The following VSTM2B variants were observed in gnomAD, a reference collection of about 807,000 sequenced individuals.
VSTM2B encodes the protein V-set and transmembrane domain-containing protein 2B.
Under a neutral mutation model 24.0 loss-of-function variants are expected in VSTM2B, and 24 were observed. That is an observed-to-expected ratio of 1.00 (90% CI 0.72 to 1.40). The LOEUF (loss-of-function observed/expected upper bound fraction) is 1.40. VSTM2B is among the 40% of genes most tolerant of loss of function. VSTM2B has a pLI of 0.00. For synonymous variants in VSTM2B, 226 were observed against 194.4 expected, an observed-to-expected ratio of 1.16 and a Z score of -1.35; for missense variants, 399 against 416.4, an observed-to-expected ratio of 0.96 and a Z score of 0.36.
At chr19:29,562,485 C>T (rs1440378183) in intron 4 of VSTM2B, among the ~76,000 whole-genome samples, 1 of 152,100 alleles carries the variant, frequency 6.6e-6, no homozygotes, top group Admixed American at 6.5e-5. Flanking sequence ...GTAGGGTCTC[C>T]CACACCCCTC....
chr19:29,558,696 A>G (rs902477428), intron 4 of VSTM2B, among the ~76,000 whole-genome samples: 1 of 152,160 alleles, frequency 6.6e-6, no homozygotes, highest in Non-Finnish European at 1.5e-5. Flanking sequence ...AATGACACAC[A>G]CTGGGACCTG....
chr19:29,543,994 A>T (rs1437349223), intron 4 of VSTM2B, among the ~76,000 whole-genome samples: 1 of 152,116 alleles, frequency 6.6e-6, no homozygotes, highest in East Asian at 1.9e-4. Flanking sequence ...AACCAGAGCC[A>T]TTCTGCTTCT....
intron 4 of VSTM2B, among the ~76,000 whole-genome samples, chr19:29,547,606 T>A (rs1241869476): frequency 1.3e-5 from 2 of 152,100 alleles, no homozygotes; most frequent in African/African-American, 4.8e-5. Context: ...AGGCCAGCCC[T>A]CTGACGCATG....
At chr19:29,555,568 A>G (rs770903112) in intron 4 of VSTM2B, among the ~76,000 whole-genome samples, 11 of 152,328 alleles carry the variant, frequency 7.2e-5, no homozygotes, top group East Asian at 1.9e-4. Context: ...TCAGAGTGGA[A>G]CTAAAGGAAA....
intron 4 of VSTM2B, among the ~76,000 whole-genome samples, chr19:29,544,729 C>T (rs575131938): frequency 2.0e-5 from 3 of 152,164 alleles, no homozygotes; most frequent in African/African-American, 7.2e-5. Context: ...CCTGGGCTCC[C>T]CAGAGGGAAC....
At chr19:29,540,688 A>G (rs919144940) in intron 4 of VSTM2B, among the ~76,000 whole-genome samples, 3 of 152,186 alleles carry the variant, frequency 2.0e-5, no homozygotes, top group Admixed American at 2.0e-4. Context: ...ATGTCCATGG[A>G]GCATTTTTTT....
In VSTM2B at chr19:29,527,283, G is replaced by A. The variant is rs1293879436; in HGVS notation, c.155G>A (p.Arg52Gln). 7 of 1,550,478 alleles carry A rather than the reference G, an allele frequency of 4.5e-6. No individual in the cohort carries two copies. Among genetic ancestry groups the A allele is most frequent in the South Asian group, 2.4e-5 (2 of 83,990 alleles). The change falls in exon 2 of 5, where the codon CGG becomes CAG. Residue 52 changes from arginine (R) to glutamine (Q), a missense_variant. By Grantham distance (43) the Arg-to-Gln change is conservative. Transcript: ENST00000335523. ...GDDIEMPCAF[R>Q]ASGATSYSLE... is the part of the protein sequence containing the mutation. ...GACATCGAAATGCCCTGCGCGTTCC[G>A]GGCCAGCGGAGCCACCTCGTATTCG...
intron 4 of VSTM2B, among the ~76,000 whole-genome samples, chr19:29,535,789 G>A (rs1469601926): frequency 6.6e-6 from 1 of 152,128 alleles, no homozygotes; most frequent in Non-Finnish European, 1.5e-5. Context: ...AGCAGTACCA[G>A]CAGGCCCAGG....
intron 4 of VSTM2B, among the ~76,000 whole-genome samples, chr19:29,536,245 G>A (rs1431605711): frequency 6.6e-6 from 1 of 152,222 alleles, no homozygotes; most frequent in East Asian, 1.9e-4. Context: ...GTAATTCCAG[G>A]ACAAAGCAGT....
chr19:29,535,408 G>A (rs1038399490), intron 4 of VSTM2B, among the ~76,000 whole-genome samples: 4 of 152,326 alleles, frequency 2.6e-5, no homozygotes, highest in East Asian at 1.9e-4. Context: ...GAGCAGTGGC[G>A]TGTGAACCTC....
intron 4 of VSTM2B, among the ~76,000 whole-genome samples, chr19:29,559,283 T>TA (rs1431285111): frequency 6.6e-6 from 1 of 152,136 alleles, no homozygotes; most frequent in Admixed American, 6.5e-5. Context: ...TATGCAGGCA[T>TA]AAAAAAGATG....
intron 4 of VSTM2B, among the ~76,000 whole-genome samples, chr19:29,534,146 G>A (rs977910980): frequency 6.6e-6 from 1 of 152,180 alleles, no homozygotes; most frequent in Non-Finnish European, 1.5e-5. Flanking sequence ...AGGTCCCCGG[G>A]GCTGGCATCA....
chr19:29,532,654 G>A (rs1402689764), intron 4 of VSTM2B, among the ~76,000 whole-genome samples: 1 of 152,242 alleles, frequency 6.6e-6, no homozygotes, highest in Non-Finnish European at 1.5e-5. Context: ...TGAGTCATCT[G>A]TAAAATGAAC....
At chr19:29,541,127 G>T (rs987425126) in intron 4 of VSTM2B, among the ~76,000 whole-genome samples, 3 of 152,198 alleles carry the variant, frequency 2.0e-5, no homozygotes, top group African/African-American at 7.2e-5. Context: ...AGAGTTTACT[G>T]GTCAAACAGG....
At chr19:29,534,294 G>A (rs926832245) in intron 4 of VSTM2B, among the ~76,000 whole-genome samples, 2 of 152,174 alleles carry the variant, frequency 1.3e-5, no homozygotes, top group Non-Finnish European at 2.9e-5. Flanking sequence ...CCCTGTCTGG[G>A]CCTCCCTTTG....
intron 4 of VSTM2B, among the ~76,000 whole-genome samples, chr19:29,553,035 TG>T (rs1380506051): frequency 6.6e-6 from 1 of 152,182 alleles, no homozygotes; most frequent in Non-Finnish European, 1.5e-5. Context: ...TCTTTTCCCC[TG>T]CTGGCTCTGA....
intron 4 of VSTM2B, among the ~76,000 whole-genome samples, chr19:29,548,512 A>G (rs1044550439): frequency 1.3e-5 from 2 of 152,220 alleles, no homozygotes; most frequent in South Asian, 4.1e-4. Context: ...TTCCTCGCTG[A>G]CTGCCTTTGA....
upstream of VSTM2B, among the ~76,000 whole-genome samples, chr19:29,525,980 C>T (rs918949314): frequency 2.4e-4 from 36 of 151,884 alleles, no homozygotes; most frequent in African/African-American, 8.0e-4. Flanking sequence ...TTCCCCTCCC[C>T]TCCCCCTCTC....
At chr19:29,553,152 C>A (rs1970325297) in intron 4 of VSTM2B, among the ~76,000 whole-genome samples, 1 of 151,190 alleles carries the variant, frequency 6.6e-6, no homozygotes. Context: ...GCCTGCTGAC[C>A]AAGACCCCCC....
Sources: allele counts gnomAD v4.1 joint callset (sites outside exome capture counted in the v4.1 genomes callset), GRCh38; gene constraint gnomAD v4.1.1; transcripts MANE v1.5; gene names NCBI Gene and HGNC (gene_info 2026-07-23, HGNC 2026-07-21).